CRYZL1: variants seen among roughly 807,000 people sequenced by gnomAD.
The protein encoded by CRYZL1 is crystallin zeta like 1, also known as ferry endosomal RAB5 effector complex subunit 4.
In CRYZL1, 34 loss-of-function variants were observed where a neutral mutation model predicts 50.6. The observed-to-expected ratio is 0.67, with a 90% CI of 0.51 to 0.89. CRYZL1 has a LOEUF of 0.89. Ranked by LOEUF, CRYZL1 falls within the 40% of genes least tolerant of loss-of-function variation. The probability of loss-of-function intolerance (pLI) is 0.00; values close to 1 mark genes in which losing one functional copy is unlikely to be tolerated. For missense variants in CRYZL1, 354 were observed against 402.3 expected (o/e 0.88, Z 1.03); for synonymous variants, 125 against 134.3 (o/e 0.93, Z 0.48).
chr21:33,597,714 G>A (rs944115841), intron 9 of CRYZL1, among the ~76,000 whole-genome samples: 3 of 152,230 alleles, frequency 2.0e-5, no homozygotes, highest in South Asian at 2.1e-4. Context: ...CCGGGTTCAC[G>A]CCATCCTCCT....
At chr21:33,641,118 G>C (rs1408224309) in intron 1 of CRYZL1, 9 of 1,547,050 alleles carry the variant, frequency 5.8e-6, no homozygotes, top group Non-Finnish European at 7.9e-6. Flanking sequence ...CAGCACCTGG[G>C]AGCTTCTTAG....
chr21:33,626,567 C>T (rs1431536290), intron 2 of CRYZL1, among the ~76,000 whole-genome samples: 1 of 151,822 alleles, frequency 6.6e-6, no homozygotes, highest in African/African-American at 2.4e-5. Context: ...CATGGTTGCG[C>T]ATGCCTGTAG....
intron 4 of CRYZL1, among the ~76,000 whole-genome samples, chr21:33,621,105 C>T (rs539268216): frequency 6.7e-6 from 1 of 149,120 alleles, no homozygotes; most frequent in South Asian, 2.1e-4. Context: ...CAGGGTTTCA[C>T]CGTGTTAGCC....
intron 11 of CRYZL1, among the ~76,000 whole-genome samples, chr21:33,593,388 G>T (rs1375624536): frequency 6.6e-6 from 1 of 152,074 alleles, no homozygotes; most frequent in Non-Finnish European, 1.5e-5. Context: ...TTACAGGCGT[G>T]AGCCACCACA....
chr21:33,605,142 G>C (rs1179520039), intron 6 of CRYZL1, among the ~76,000 whole-genome samples: 1 of 152,112 alleles, frequency 6.6e-6, no homozygotes, highest in Non-Finnish European at 1.5e-5. Flanking sequence ...CCTTTTTCAA[G>C]TGTTAATCAA....
chr21:33,601,600 TAATTAA>T (rs2086757307), intron 8 of CRYZL1, among the ~76,000 whole-genome samples: 1 of 152,160 alleles, frequency 6.6e-6, no homozygotes, highest in Middle Eastern at 3.4e-3. Flanking sequence ...TAAAAAAAAA[TAATTAA>T]AATTAAAACT....
chr21:33,617,967 G>T (rs1391636896), intron 4 of CRYZL1, among the ~76,000 whole-genome samples: 1 of 152,176 alleles, frequency 6.6e-6, no homozygotes, highest in Non-Finnish European at 1.5e-5. Context: ...AATAAATTCA[G>T]GTTGGTACCA....
intron 1 of CRYZL1, among the ~76,000 whole-genome samples, chr21:33,638,447 T>A (rs527437105): frequency 6.6e-6 from 1 of 152,258 alleles, no homozygotes; most frequent in African/African-American, 2.4e-5. Flanking sequence ...ACTCCTGACC[T>A]CCTGATCCAC....
rs576615494 is a variant in CRYZL1, at chr21:33,618,275, C to T, written c.218-1525G>A. Among the ~76,000 whole-genome samples the T allele has an allele frequency of 1.4e-3, 161 of 117,936 alleles. 1 individual carries two copies. The highest frequency in any genetic ancestry group is 5.3e-3 in the African/African-American group (151 of 28,696). The allele number at this position is 117,936 out of a possible 152,430, so 77.4% of individuals were successfully genotyped here. On this transcript the variant is annotated intron_variant, in intron 4 of 12. Transcript: ENST00000381554. ...CTGCACTCCAGCCTGGGTGACAGAG[C>T]GAGACTCCGTCTCAAAAAAAAAAAA...
In CRYZL1 at chr21:33,618,356, G is replaced by A. The variant is rs116575728; in HGVS notation, c.218-1606C>T. The stretch of plus-strand genomic sequence containing the variant: ...TCTGCATATGTAGAGAAAAAGCCTC[G>A]ACTATCAGTCAATTCATTTGAGTAG... On this transcript the variant is annotated intron_variant, in intron 4 of 12. Coordinates refer to ENST00000381554, the MANE Select transcript of CRYZL1 (RefSeq NM_145858.3). Among the ~76,000 whole-genome samples the A allele has an allele frequency of 4.4e-3, 666 of 150,664 alleles. 8 individuals carry two copies. Among genetic ancestry groups the A allele is most frequent in the African/African-American group, 0.015 (626 of 40,984 alleles).
At chr21:33,627,592 T>A (rs922745060) in intron 2 of CRYZL1, among the ~76,000 whole-genome samples, 2 of 152,270 alleles carry the variant, frequency 1.3e-5, no homozygotes, top group East Asian at 3.9e-4. Flanking sequence ...AATTCTACTA[T>A]CTATGCTTAA....
chr21:33,590,401 A>G (rs1018443542), intron 12 of CRYZL1, among the ~76,000 whole-genome samples: 1 of 151,818 alleles, frequency 6.6e-6, no homozygotes, highest in Non-Finnish European at 1.5e-5. Context: ...GAAGGAAAAA[A>G]ATTATCTACT....
At chr21:33,595,062 G>T in intron 11 of CRYZL1, 3 of 546,864 alleles carry the variant, frequency 5.5e-6, no homozygotes, top group Non-Finnish European at 7.2e-6. Context: ...AGTCATTTTA[G>T]AAATAAAAGG....
At chr21:33,621,633 G>A (rs777579379) in intron 4 of CRYZL1, among the ~76,000 whole-genome samples, 2 of 152,138 alleles carry the variant, frequency 1.3e-5, no homozygotes, top group Non-Finnish European at 2.9e-5. Context: ...GAGCCACTGC[G>A]CCTGGCCAAA....
rs559182871 is a variant in CRYZL1, at chr21:33,619,169, T to C, written c.218-2419A>G. On this transcript the variant is annotated intron_variant, in intron 4 of 12. Coordinates refer to ENST00000381554, the MANE Select transcript of CRYZL1 (RefSeq NM_145858.3). ...CCAATTCAAGCCTGAACAAGAACTCTGTAAGCCATTCCTGGTTCTGATCTG... is the reference window on the plus strand; with the variant it reads ...CCAATTCAAGCCTGAACAAGAACTCCGTAAGCCATTCCTGGTTCTGATCTG... 2.0e-5 allele frequency among the ~76,000 whole-genome samples: 3 copies of C among 152,392 alleles called. No individual in the cohort carries two copies. In the South Asian group the frequency reaches 6.2e-4, roughly 32 times the overall value.
Position 33,605,709 on chromosome 21 carries a change from A to G in CRYZL1, c.332-2172T>C, listed in dbSNP as rs145812971. On this transcript the variant is annotated intron_variant, in intron 6 of 12. Transcript: ENST00000381554. ...GCTAATTTTTGTATTTTTTTAGTAG[A>G]GACGGGGTTTCACCATGTTGGCCAG... Among the ~76,000 whole-genome samples the G allele has an allele frequency of 5.9e-3, 896 of 150,676 alleles. 15 individuals carry two copies. The highest frequency in any genetic ancestry group is 0.021 in the African/African-American group (845 of 41,034).
chr21:33,627,718 C>T (rs941273396), intron 2 of CRYZL1, among the ~76,000 whole-genome samples: 1 of 149,732 alleles, frequency 6.7e-6, no homozygotes, highest in Non-Finnish European at 1.5e-5. Context: ...TCTACCTCTT[C>T]CATTTCACAT....
intron 1 of CRYZL1, among the ~76,000 whole-genome samples, chr21:33,635,286 A>G (rs2087191407): frequency 6.6e-6 from 1 of 151,034 alleles, no homozygotes; most frequent in Non-Finnish European, 1.5e-5. Flanking sequence ...GTCTCATGTT[A>G]TTTAATAAAA....
chr21:33,598,615 G>A (rs1182789957), intron 9 of CRYZL1, among the ~76,000 whole-genome samples: 3 of 152,130 alleles, frequency 2.0e-5, no homozygotes, highest in Admixed American at 2.0e-4. Context: ...GACTGAAAAG[G>A]CATGAGAATG....
Sources: allele counts gnomAD v4.1 joint callset (sites outside exome capture counted in the v4.1 genomes callset), GRCh38; gene constraint gnomAD v4.1.1; transcripts MANE v1.5; gene names NCBI Gene and HGNC (gene_info 2026-07-23, HGNC 2026-07-21).